The following KLHL11 variants were observed in gnomAD, a reference collection of about 807,000 sequenced individuals.
KLHL11 encodes kelch like family member 11.
A neutral mutation model predicts 56.1 loss-of-function variants in KLHL11; 26 were observed. The observed-to-expected ratio is 0.46, with a 90% confidence interval of 0.34 to 0.64. The LOEUF is 0.64. Among genes scored for constraint, KLHL11 ranks in the 30% least tolerant of loss-of-function variants. KLHL11 has a pLI of 0.01. For synonymous variants in KLHL11, 338 were observed against 345.8 expected, an observed-to-expected ratio of 0.98 and a Z score of 0.25; for missense variants, 627 against 919.4, an observed-to-expected ratio of 0.68 and a Z score of 4.11.
At chr17:41,864,646 G>A (rs1429561063) in intron 1 of KLHL11, among the ~76,000 whole-genome samples, 180 bp downstream of exon 1, 1 of 152,200 alleles carries the variant, frequency 6.6e-6, no homozygotes, top group African/African-American at 2.4e-5. Context: ...CGGACCTGAT[G>A]GTGCATCCTC....
rs2048336729 is a variant in KLHL11, at chr17:41,852,379, T to G, written c.*1361A>C. Among the ~76,000 whole-genome samples, 1 of 152,270 alleles carries G rather than the reference T, an allele frequency of 6.6e-6. No homozygotes were observed. Among genetic ancestry groups the G allele is most frequent in the Non-Finnish European group, 1.5e-5 (1 of 68,028 alleles). On this transcript the variant is annotated 3_prime_UTR_variant, in exon 2 of 2. Transcript: ENST00000319121. ...TGGTATCCTAGGCTCAGGCAAAGTT[T>G]GAAAGTGTGGGGCAACTGGATAAAA...
intron 1 of KLHL11, among the ~76,000 whole-genome samples, chr17:41,862,011 C>CA (rs1220110848): frequency 6.6e-6 from 1 of 152,114 alleles, no homozygotes; most frequent in African/African-American, 2.4e-5. Context: ...AATGGGTTGA[C>CA]AGAGTTGACA....
chr17:41,865,335 C>T lies in KLHL11; in HGVS notation c.36G>A (p.Ala12=). Residue 12 remains alanine (A), a synonymous_variant, in exon 1 of 2, where the codon GCG becomes GCA. Coordinates refer to ENST00000319121, the MANE Select transcript of KLHL11 (RefSeq NM_018143.3). ...GTACCTGAAGAGATGCAGCCGCGGCCGCCGCCGCCGCCGCCGCCACTGCCG... is the reference window on the plus strand; with the variant it reads ...GTACCTGAAGAGATGCAGCCGCGGCTGCCGCCGCCGCCGCCGCCACTGCCG... The part of the protein sequence containing the change: ...AAAAVAAAAA[A]AAAASLQVLE... The T allele has an allele frequency of 7.3e-7, 1 of 1,372,606 alleles. No homozygotes were observed. Among genetic ancestry groups the T allele is most frequent in the Non-Finnish European group, 9.4e-7 (1 of 1,064,192 alleles). 85.0% of individuals were successfully genotyped at this position (1,372,606 alleles called of 1,614,324 possible). A position where few individuals can be genotyped will look rare whatever the true frequency, so the allele number is the denominator to read the frequency against.
Position 41,854,503 on chromosome 17 carries a change from A to C in KLHL11, c.1364T>G (p.Leu455Arg). Residue 455 changes from leucine (L) to arginine (R), a missense_variant, in exon 2 of 2, where the codon CTC (leucine) becomes CGC (arginine). By Grantham distance (102) the Leu-to-Arg change is moderately radical (BLOSUM62 -2). This residue lies in a region of KLHL11 where 250 missense variants were observed against 360.6 expected (regional missense o/e 0.69). Coordinates refer to ENST00000319121, the MANE Select transcript of KLHL11 (RefSeq NM_018143.3). This position sits in a 1 kb window ranked among gnomAD's most constrained non-coding sequence, Gnocchi z 4.9. ...GTTGCCATGTCCTCCAATGCTATAG[A>C]GCTTCCCTTTGACTTCTGTTAGTCC... Reference protein sequence around the residue: ...SFGLTEVKGKLYSIGGHGNFS... With the variant: ...SFGLTEVKGKRYSIGGHGNFS... 3 of 1,614,178 alleles carry C rather than the reference A, an allele frequency of 1.9e-6. No individual in the cohort carries two copies. Among genetic ancestry groups the C allele is most frequent in the Non-Finnish European group, 2.5e-6 (3 of 1,180,024 alleles).
intron 1 of KLHL11, 67 bp from the exon 2 acceptor site, chr17:41,855,388 CT>C (rs1224499024): frequency 1.7e-4 from 211 of 1,270,798 alleles, no homozygotes; most frequent in Non-Finnish European, 2.0e-4. Flanking sequence ...TTACTTTTTT[CT>C]TTTTTTTGAG....
intron 1 of KLHL11, 109 bp from the exon 2 acceptor site, chr17:41,855,430 G>C (rs2048358661): frequency 1.4e-6 from 1 of 736,374 alleles, no homozygotes; most frequent in Admixed American, 2.9e-5. Flanking sequence ...CCAGGTTGGA[G>C]TGCAGTGGCG....
At chr17:41,864,360 A>T (rs1404392827) in intron 1 of KLHL11, among the ~76,000 whole-genome samples, 1 of 152,152 alleles carries the variant, frequency 6.6e-6, no homozygotes, top group Non-Finnish European at 1.5e-5. Context: ...GCCTCACTGG[A>T]CTATATTTTA....
chr17:41,864,322 T>A (rs1281335799), intron 1 of KLHL11, among the ~76,000 whole-genome samples: 1 of 152,252 alleles, frequency 6.6e-6, no homozygotes, highest in Non-Finnish European at 1.5e-5. Context: ...ATCTCACGCA[T>A]CCTTCTCCCC....
intron 1 of KLHL11, among the ~76,000 whole-genome samples, chr17:41,861,615 G>A (rs2144163175): frequency 6.8e-6 from 1 of 146,158 alleles, no homozygotes; most frequent in East Asian, 2.0e-4. Context: ...GAACCCGGCA[G>A]GCAGAGGTTG....
At position 41,850,857 on chromosome 17, in the gene KLHL11, T is replaced by C. The variant is rs1453713155; in HGVS notation, c.*2883A>G. 3 of 152,214 alleles carry C rather than the reference T, an allele frequency of 2.0e-5. No homozygotes were observed. The highest frequency in any genetic ancestry group is 4.4e-5 in the Non-Finnish European group (3 of 68,042). The allele number at this position is 152,214 out of a possible 1,614,324, so 9.4% of individuals were successfully genotyped here. A position where few individuals can be genotyped will look rare whatever the true frequency, so the allele number is the denominator to read the frequency against. On this transcript the variant is annotated 3_prime_UTR_variant, in exon 2 of 2. Transcript: ENST00000319121. ...CAGTCTAAATTAAATGGATTTAAAGTTGATTTTCAACACATTTATTAAAAA... is the reference window on the plus strand; with the variant it reads ...CAGTCTAAATTAAATGGATTTAAAGCTGATTTTCAACACATTTATTAAAAA...
chr17:41,850,779 T>C lies in KLHL11; in HGVS notation c.*2961A>G, dbSNP rs1353621814. 1 of 152,150 alleles carries C rather than the reference T, an allele frequency of 6.6e-6. No homozygotes were observed. The highest frequency in any genetic ancestry group is 2.4e-5 in the African/African-American group (1 of 41,436). The allele number at this position is 152,150 out of a possible 1,614,324, so 9.4% of individuals were successfully genotyped here. ...AAGGTAGTGGTGGGATGGGACAATA[T>C]AATAATATATCCTTATATGTAGAAA... On this transcript the variant is annotated 3_prime_UTR_variant, in exon 2 of 2. Coordinates refer to ENST00000319121, the MANE Select transcript of KLHL11 (RefSeq NM_018143.3).
rs1209048040 is a variant in KLHL11, at chr17:41,855,168, G to C, written c.699C>G (p.His233Gln). 1.2e-6 allele frequency: 2 copies of C among 1,614,034 alleles called. No individual in the cohort carries two copies. Among genetic ancestry groups the C allele is most frequent in the Non-Finnish European group, 1.7e-6 (2 of 1,180,016 alleles). ...KAADMIRRNF[H>Q]KVIQDEEFYT... ...AAAATTCTTCATCCTGAATCACTTT[G>C]TGGAAATTTCTCCGTATCATATCAG... The change falls in exon 2 of 2, where the codon CAC (histidine) becomes CAG (glutamine). Residue 233 changes from histidine to glutamine, a missense_variant. Physicochemically the swap from His to Gln is conservative, Grantham distance 24 (BLOSUM62 0). Around this residue, in one of 4 missense-constraint regions of KLHL11, gnomAD observed 150 missense variants for 215.7 expected, o/e 0.70. Coordinates refer to ENST00000319121, the MANE Select transcript of KLHL11 (RefSeq NM_018143.3).
chr17:41,856,484 ATAGT>A (rs1381483519), intron 1 of KLHL11, among the ~76,000 whole-genome samples: 3 of 152,144 alleles, frequency 2.0e-5, no homozygotes, highest in Admixed American at 1.3e-4. Context: ...ACATATGGAA[ATAGT>A]TAGATTAATC....
chr17:41,863,400 T>C (rs1555623244), intron 1 of KLHL11, among the ~76,000 whole-genome samples: 1 of 152,104 alleles, frequency 6.6e-6, no homozygotes, highest in Non-Finnish European at 1.5e-5. Flanking sequence ...TTTCACAATG[T>C]TGGCCAGGCT....
rs782417767 is a variant in KLHL11, at chr17:41,858,407, T to TG, written c.546-3087_546-3086insC. ...AAACCCAGATATATATATATATATTTTTTGTTGTTGTTGTTGTTGTTGTTG... is the reference window on the plus strand; with the variant it reads ...AAACCCAGATATATATATATATATTTGTTTGTTGTTGTTGTTGTTGTTGTTG... On this transcript the variant is annotated intron_variant, in intron 1 of 1. Transcript: ENST00000319121. Among the ~76,000 whole-genome samples the TG allele has an allele frequency of 4.3e-3, 316 of 73,440 alleles. 4 individuals are homozygous for TG. Among genetic ancestry groups the TG allele is most frequent in the African/African-American group, 0.015 (281 of 18,812 alleles). 48.2% of individuals were successfully genotyped at this position (73,440 alleles called of 152,430 possible).
intron 1 of KLHL11, among the ~76,000 whole-genome samples, chr17:41,861,246 T>C (rs1385097067): frequency 6.6e-6 from 1 of 152,236 alleles, no homozygotes; most frequent in African/African-American, 2.4e-5. Flanking sequence ...CCTGTCTTGA[T>C]GCATTCCAAG....
In KLHL11 at chr17:41,865,341, C is replaced by A; in HGVS notation, c.30G>T (p.Ala10=). 2 of 1,438,950 alleles carry A rather than the reference C, an allele frequency of 1.4e-6. No homozygotes were observed. Among genetic ancestry groups the A allele is most frequent in the African/African-American group, 3.0e-5 (2 of 66,340 alleles). 89.1% of individuals were successfully genotyped at this position (1,438,950 alleles called of 1,614,324 possible). A position where few individuals can be genotyped will look rare whatever the true frequency, so the allele number is the denominator to read the frequency against. The change falls in exon 1 of 2, where the codon GCG becomes GCT. Residue 10 remains alanine (A), a synonymous_variant. Coordinates refer to ENST00000319121, the MANE Select transcript of KLHL11 (RefSeq NM_018143.3). MAAAAVAAA[A]AAAAAASLQV... is the part of the protein sequence containing the mutation. ...GAAGAGATGCAGCCGCGGCCGCCGC[C>A]GCCGCCGCCGCCACTGCCGCAGCCG... is the stretch of plus-strand genomic sequence containing the variant.
chr17:41,854,120 G>C lies in KLHL11; in HGVS notation c.1747C>G (p.Gln583Glu), dbSNP rs1555622235. 2 of 1,614,112 alleles carry C rather than the reference G, an allele frequency of 1.2e-6. No homozygotes were observed. The highest frequency in any genetic ancestry group is 1.3e-5 in the African/African-American group (1 of 75,012). ...CTTTCAAGGATCTCATCAGACACTTGGCTGGCAATTTTTCTTACTGCCTCT... is the reference window on the plus strand; with the variant it reads ...CTTTCAAGGATCTCATCAGACACTTCGCTGGCAATTTTTCTTACTGCCTCT... Reference protein sequence around the residue: ...NEEAVRKIASQVSDEILESLP... With the variant: ...NEEAVRKIASEVSDEILESLP... The change falls in exon 2 of 2, where the codon CAA becomes GAA. Residue 583 changes from glutamine (Q) to glutamate (E), a missense_variant. Gln to Glu is a conservative substitution (Grantham distance 29, BLOSUM62 2). This residue lies in a region of KLHL11 where 250 missense variants were observed against 360.6 expected (regional missense o/e 0.69). Coordinates refer to ENST00000319121, the MANE Select transcript of KLHL11 (RefSeq NM_018143.3). This position sits in a 1 kb window ranked among gnomAD's most constrained non-coding sequence, Gnocchi z 4.9.
At chr17:41,864,555 T>G (rs1413279971) in intron 1 of KLHL11, among the ~76,000 whole-genome samples, 1 of 152,268 alleles carries the variant, frequency 6.6e-6, no homozygotes, top group Non-Finnish European at 1.5e-5. Flanking sequence ...AGCACAACAG[T>G]TACCACATAC....
Sources: gnomAD v4.1 joint callset for allele counts (sites outside exome capture counted in the v4.1 genomes callset) on GRCh38, gnomAD v4.1.1 for gene constraint, gnomAD v4.1.1 regional missense constraint, Gnocchi (gnomAD v3.1) non-coding constraint, MANE v1.5 for transcripts, NCBI Gene and HGNC (gene_info 2026-07-23, HGNC 2026-07-21) for gene names.